The following FRMD3 variants were observed in gnomAD, a reference collection of about 807,000 sequenced individuals.
The protein encoded by FRMD3 is FERM domain containing 3.
In FRMD3, 33 loss-of-function variants were observed where a neutral mutation model predicts 70.2. The observed-to-expected ratio is 0.47, with a 90% CI of 0.36 to 0.63. The LOEUF (loss-of-function observed/expected upper bound fraction) is 0.63. Among genes scored for constraint, FRMD3 ranks in the 20% least tolerant of loss-of-function variants. FRMD3 has a pLI of 0.00. For synonymous variants in FRMD3, 279 were observed against 255.9 expected (o/e 1.09, Z -0.86); for missense variants, 632 against 711.4 (o/e 0.89, Z 1.27).
At chr9:83,297,923 G>A (rs1834741760) in intron 12 of FRMD3, 1 of 451,684 alleles carries the variant, frequency 2.2e-6, no homozygotes, top group Non-Finnish European at 4.5e-6. Flanking sequence ...TGGGACCACA[G>A]CCTCCTCCTG....
intron 1 of FRMD3, chr9:83,467,802 C>T (rs1828169421): frequency 2.2e-5 from 30 of 1,368,328 alleles, no homozygotes; most frequent in Non-Finnish European, 2.7e-5. Context: ...ATCTTGCTGC[C>T]ACCAAGATCC....
intron 1 of FRMD3, among the ~76,000 whole-genome samples, chr9:83,424,720 C>T (rs187347009): frequency 6.6e-5 from 10 of 152,338 alleles, no homozygotes; most frequent in East Asian, 5.8e-4. Context: ...ATAACTCACA[C>T]GGTTTCATCT....
chr9:83,412,095 G>T (rs1253226084), intron 1 of FRMD3, among the ~76,000 whole-genome samples: 5 of 152,116 alleles, frequency 3.3e-5, no homozygotes, highest in African/African-American at 4.8e-5. Context: ...AAACAGTTTT[G>T]CCTGTTTCTG....
rs1833285823 is a variant in FRMD3, at chr9:83,266,948, G to A, written c.1196-18432C>T. The stretch of plus-strand genomic sequence containing the variant: ...CCCTGGGCCTCTCTCCACCAGCAGT[G>A]AGCAGGAAGCTGGAAGCCCGCACAC... On this transcript the variant is annotated intron_variant, in intron 13 of 13. Coordinates refer to ENST00000304195, the MANE Select transcript of FRMD3 (RefSeq NM_174938.6). 3.3e-6 allele frequency: 5 copies of A among 1,494,686 alleles called. No individual in the cohort carries two copies. The East Asian group carries it at 1.2e-4, about 37-fold the overall frequency. 92.6% of individuals were successfully genotyped at this position (1,494,686 alleles called of 1,614,324 possible).
chr9:83,519,170 C>T (rs1829517825), intron 1 of FRMD3, among the ~76,000 whole-genome samples: 1 of 152,140 alleles, frequency 6.6e-6, no homozygotes, highest in African/African-American at 2.4e-5. Context: ...AGCGCTTCTG[C>T]ATAGCAAAAG....
chr9:83,364,052 C>T (rs2131233152), intron 3 of FRMD3, among the ~76,000 whole-genome samples: 1 of 152,234 alleles, frequency 6.6e-6, no homozygotes, highest in Admixed American at 6.5e-5. Flanking sequence ...TGATATTGAG[C>T]ATCTGTTTGT....
At chr9:83,248,588 G>A (rs1832248284) in intron 13 of FRMD3, 72 bp from the exon 14 acceptor site, 3 of 1,466,276 alleles carry the variant, frequency 2.0e-6, no homozygotes, top group African/African-American at 2.8e-5. Flanking sequence ...GGAAGAAACA[G>A]AAAAACAAAA....
intron 12 of FRMD3, among the ~76,000 whole-genome samples, chr9:83,292,145 C>T (rs1413837115): frequency 6.8e-6 from 1 of 146,684 alleles, no homozygotes; most frequent in Non-Finnish European, 1.5e-5. Flanking sequence ...TGGTCTGAGA[C>T]CTACATTAAT....
At chr9:83,406,618 G>A (rs551232753) in intron 1 of FRMD3, among the ~76,000 whole-genome samples, 10 of 152,190 alleles carry the variant, frequency 6.6e-5, no homozygotes, top group Non-Finnish European at 4.4e-5. Flanking sequence ...AGATCAGAAC[G>A]TAACTTTCAA....
chr9:83,502,693 C>T (rs1376234235), intron 1 of FRMD3, among the ~76,000 whole-genome samples: 1 of 152,166 alleles, frequency 6.6e-6, no homozygotes, highest in East Asian at 1.9e-4. Flanking sequence ...TTTCATGATT[C>T]AGTGGACTCC....
intron 1 of FRMD3, among the ~76,000 whole-genome samples, chr9:83,397,104 T>C (rs1825829169): frequency 6.6e-6 from 1 of 152,200 alleles, no homozygotes; most frequent in Non-Finnish European, 1.5e-5. Flanking sequence ...CATAGCGTTT[T>C]GGTGTTTTTG....
At chr9:83,281,514 A>G (rs1438550672) in intron 13 of FRMD3, 2 of 152,144 alleles carry the variant, frequency 1.3e-5, no homozygotes, top group Non-Finnish European at 2.9e-5. Context: ...CTTTGAAGCA[A>G]TTAATTATTA....
chr9:83,378,270 G>T (rs10746704), intron 2 of FRMD3, among the ~76,000 whole-genome samples: 95,290 of 135,250 alleles, frequency 0.7, 33,238 homozygotes, highest in Admixed American at 0.73. Context: ...TGTTTTTTTT[G>T]TTTTTTTTGA....
At chr9:83,517,265 C>T (rs185289988) in intron 1 of FRMD3, among the ~76,000 whole-genome samples, 102 of 151,904 alleles carry the variant, frequency 6.7e-4, no homozygotes, top group African/African-American at 2.4e-3. Context: ...GTCAAATAGA[C>T]ACAATAAAAA....
the FRMD3 span, among the ~76,000 whole-genome samples, chr9:83,547,830 T>C: frequency 1.3e-5 from 2 of 152,228 alleles, no homozygotes; most frequent in African/African-American, 2.4e-5. Flanking sequence ...ATCAAAATTA[T>C]ATCACTTCTC....
the FRMD3 span, among the ~76,000 whole-genome samples, chr9:83,577,389 T>G: frequency 0.019 from 2,942 of 152,150 alleles, 97 homozygotes; most frequent in African/African-American, 0.066. Context: ...GAATCAAAGT[T>G]CACATATAAA....
rs1235280293 is a variant in FRMD3, at chr9:83,245,389, G to A, written c.*2529C>T. ...TTCTAAAAGGCTCTGATTCTATGCCGAGCAAATGGCATTTCAAGATTCCAG... is the reference window on the plus strand; with the variant it reads ...TTCTAAAAGGCTCTGATTCTATGCCAAGCAAATGGCATTTCAAGATTCCAG... On this transcript the variant is annotated 3_prime_UTR_variant, in exon 14 of 14. Coordinates refer to ENST00000304195, the MANE Select transcript of FRMD3 (RefSeq NM_174938.6). 14 of 985,202 alleles carry A rather than the reference G, an allele frequency of 1.4e-5. No individual in the cohort carries two copies. The highest frequency in any genetic ancestry group is 6.2e-5 in the Admixed American group (1 of 16,254). 61.0% of individuals were successfully genotyped at this position (985,202 alleles called of 1,614,324 possible). A position where few individuals can be genotyped will look rare whatever the true frequency, so the allele number is the denominator to read the frequency against.
chr9:83,341,360 C>T (rs560877316), intron 5 of FRMD3, among the ~76,000 whole-genome samples: 24 of 152,222 alleles, frequency 1.6e-4, no homozygotes, highest in African/African-American at 5.3e-4. Flanking sequence ...GATGGAGGCT[C>T]CGTGGCTTTA....
chr9:83,460,245 C>G (rs1827931921), intron 1 of FRMD3, among the ~76,000 whole-genome samples: 2 of 152,188 alleles, frequency 1.3e-5, no homozygotes, highest in Admixed American at 1.3e-4. Flanking sequence ...AAGGCTTCTT[C>G]TTGGGCCCTG....
Sources: allele counts gnomAD v4.1 joint callset (sites outside exome capture counted in the v4.1 genomes callset), GRCh38; gene constraint gnomAD v4.1.1; transcripts MANE v1.5; gene names NCBI Gene and HGNC (gene_info 2026-07-23, HGNC 2026-07-21).